Variants in PDPN observed in about 807,000 individuals in gnomAD.
PDPN encodes the protein podoplanin, also known as PA2.26 antigen.
PDPN carries 12 observed loss-of-function variants against 23.2 expected under a neutral mutation model. The observed-to-expected ratio is 0.52, with a 90% CI of 0.33 to 0.84. The LOEUF is 0.84. PDPN is among the 40% of genes least tolerant of loss of function. The pLI, the probability that PDPN is intolerant of heterozygous loss-of-function variation, is 0.02. For synonymous variants in PDPN, 77 were observed against 76.7 expected, an observed-to-expected ratio of 1.00 and a Z score of -0.02; for missense variants, 199 against 212.2, an observed-to-expected ratio of 0.94 and a Z score of 0.39.
At chr1:13,589,401 A>C (rs1227397882) in intron 1 of PDPN, among the ~76,000 whole-genome samples, 1 of 152,190 alleles carries the variant, frequency 6.6e-6, no homozygotes, top group Non-Finnish European at 1.5e-5. Flanking sequence ...ATCTCCCCAT[A>C]AGATTAAATG....
intron 1 of PDPN, among the ~76,000 whole-genome samples, chr1:13,592,027 C>T (rs1310942506): frequency 6.6e-6 from 1 of 152,226 alleles, no homozygotes; most frequent in Non-Finnish European, 1.5e-5. Flanking sequence ...TATGAAATGA[C>T]ATCTGGTAGT....
Sources: gnomAD v4.1 joint callset for allele counts (sites outside exome capture counted in the v4.1 genomes callset) on GRCh38, gnomAD v4.1.1 for gene constraint, MANE v1.5 for transcripts, NCBI Gene and HGNC (gene_info 2026-07-23, HGNC 2026-07-21) for gene names.